The following SYTL5 variants were observed in gnomAD, a reference collection of about 807,000 sequenced individuals.
The protein encoded by SYTL5 is synaptotagmin-like protein 5.
In SYTL5, 34 loss-of-function variants were observed where a neutral mutation model predicts 55.9. The observed-to-expected ratio is 0.61, with a 90% CI of 0.46 to 0.81. The LOEUF (loss-of-function observed/expected upper bound fraction) is 0.81, where lower values mean the gene tolerates loss of function less well. SYTL5 is among the 30% of genes least tolerant of loss of function. SYTL5 has a pLI of 0.00. For synonymous variants in SYTL5, 221 were observed against 188.7 expected, an observed-to-expected ratio of 1.17 and a Z score of -1.40; for missense variants, 637 against 546.7, an observed-to-expected ratio of 1.17 and a Z score of -1.65.
At chrX:38,002,637 C>G (rs757292002), upstream of SYTL5, among the ~76,000 whole-genome samples, 4 of 112,277 alleles carry the variant, frequency 3.6e-5, no homozygotes, top group East Asian at 2.8e-4. Context: ...ATTTTTTCAT[C>G]TGTCTTTTGG....
the SYTL5 span, among the ~76,000 whole-genome samples, chrX:37,958,105 A>G: frequency 9.1e-6 from 1 of 109,809 alleles, no homozygotes; most frequent in Non-Finnish European, 1.9e-5. Flanking sequence ...GCTACTCAGG[A>G]GGCTGGGGCA....
At chrX:38,121,987 A>T in intron 14 of SYTL5, 93 bp from the exon 15 acceptor site, 1 of 848,634 alleles carries the variant, frequency 1.2e-6, no homozygotes, top group East Asian at 3.5e-5. Flanking sequence ...ATATGTTTGT[A>T]GATGATCTTT....
the SYTL5 span, among the ~76,000 whole-genome samples, chrX:37,942,119 A>G: frequency 1.8e-5 from 2 of 112,305 alleles, no homozygotes; most frequent in Non-Finnish European, 3.8e-5. Context: ...ATTTATAATA[A>G]TAGGTCTTTC....
At chrX:37,913,550 T>C in the SYTL5 span, among the ~76,000 whole-genome samples, 5 of 112,106 alleles carry the variant, frequency 4.5e-5, no homozygotes, top group Non-Finnish European at 7.5e-5. Flanking sequence ...CACTTCTCAC[T>C]CCAGGACTTC....
chrX:37,922,406 A>G, the SYTL5 span, among the ~76,000 whole-genome samples: 1 of 112,299 alleles, frequency 8.9e-6, no homozygotes, highest in Admixed American at 9.5e-5. Flanking sequence ...CAAAATTATT[A>G]TGACTTCCAG....
chrX:37,925,058 C>G, the SYTL5 span, among the ~76,000 whole-genome samples: 9 of 110,965 alleles, frequency 8.1e-5, no homozygotes, highest in African/African-American at 2.9e-4. Flanking sequence ...TACCACCATT[C>G]TACCTTTTAT....
chrX:38,009,982 C>T (rs1315413007), intron 1 of SYTL5, among the ~76,000 whole-genome samples: 1 of 111,841 alleles, frequency 8.9e-6, no homozygotes, highest in Non-Finnish European at 1.9e-5. Flanking sequence ...GACCAAAACC[C>T]CAGGTCTTAA....
At chrX:38,124,286 C>T (rs1053128152) in intron 15 of SYTL5, among the ~76,000 whole-genome samples, 2 of 111,654 alleles carry the variant, frequency 1.8e-5, no homozygotes, top group Non-Finnish European at 3.8e-5. Context: ...CAACACTGTG[C>T]TCAAATAAAA....
intron 5 of SYTL5, 98 bp downstream of exon 5, chrX:38,073,796 A>G (rs1487329853): frequency 2.0e-6 from 1 of 491,326 alleles, no homozygotes; most frequent in Non-Finnish European, 3.2e-6. Context: ...CACTTCAATG[A>G]CCCAGAGGAG....
At chrX:38,061,093 A>T (rs1451832031) in intron 3 of SYTL5, among the ~76,000 whole-genome samples, 1 of 112,089 alleles carries the variant, frequency 8.9e-6, no homozygotes, top group Non-Finnish European at 1.9e-5. Flanking sequence ...TTCTGTCTTG[A>T]TGCGTTAAAA....
chrX:38,034,644 T>C (rs1213432053), intron 2 of SYTL5, among the ~76,000 whole-genome samples: 1 of 111,964 alleles, frequency 8.9e-6, no homozygotes, highest in Non-Finnish European at 1.9e-5. Context: ...GTGGGCACAG[T>C]TGAATTTCAT....
At chrX:38,035,852 G>A (rs1935091715) in intron 2 of SYTL5, among the ~76,000 whole-genome samples, 1 of 110,844 alleles carries the variant, frequency 9.0e-6, no homozygotes, top group Admixed American at 9.6e-5. Flanking sequence ...CCAAGATCAC[G>A]CCACTGCACT....
intron 1 of SYTL5, among the ~76,000 whole-genome samples, chrX:38,012,034 C>T (rs1193944662): frequency 8.9e-6 from 1 of 112,016 alleles, no homozygotes; most frequent in Non-Finnish European, 1.9e-5. Flanking sequence ...AGGCCCAGTG[C>T]CATTTGTAAC....
intron 15 of SYTL5, 50 bp from the exon 16 acceptor site, chrX:38,125,248 A>AT (rs1937617545): frequency 3.6e-6 from 4 of 1,100,699 alleles, no homozygotes; most frequent in East Asian, 6.1e-5. Context: ...ACACGCTGAC[A>AT]TTTTCTGTCT....
the SYTL5 span, among the ~76,000 whole-genome samples, chrX:37,935,938 G>A: frequency 3.6e-5 from 4 of 111,778 alleles, no homozygotes; most frequent in Admixed American, 1.9e-4. Flanking sequence ...ACAGCATAAC[G>A]GATTTTTAAA....
chrX:37,909,922 G>A, the SYTL5 span, among the ~76,000 whole-genome samples: 46 of 110,667 alleles, frequency 4.2e-4, no homozygotes, highest in South Asian at 7.7e-4. Flanking sequence ...TAATCCACCC[G>A]CCTCAGCCTC....
the SYTL5 span, among the ~76,000 whole-genome samples, chrX:37,970,024 A>C: frequency 1.2e-4 from 14 of 112,039 alleles, no homozygotes; most frequent in Non-Finnish European, 7.5e-5. Flanking sequence ...AAGTTTAAAA[A>C]CTTCTTGCAT....
At chrX:38,007,720 A>T (rs1242276610) in intron 1 of SYTL5, among the ~76,000 whole-genome samples, 3 of 111,643 alleles carry the variant, frequency 2.7e-5, no homozygotes, top group African/African-American at 9.7e-5. Context: ...TCTTAAATGC[A>T]TGAAGCCATT....
At chrX:38,091,119 T>C (rs191744047) in intron 7 of SYTL5, among the ~76,000 whole-genome samples, 95 of 111,871 alleles carry the variant, frequency 8.5e-4, no homozygotes, top group African/African-American at 2.7e-3. Flanking sequence ...TTGGGGGCTG[T>C]GCTGAGAAGC....
Sources: allele counts gnomAD v4.1 joint callset (sites outside exome capture counted in the v4.1 genomes callset), GRCh38; gene constraint gnomAD v4.1.1; transcripts MANE v1.5; gene names NCBI Gene and HGNC (gene_info 2026-07-23, HGNC 2026-07-21).